Variants in FGF14 observed in about 807,000 individuals in gnomAD.
The protein encoded by FGF14 is fibroblast growth factor 14, also known as fibroblast growth factor homologous factor 4.
In FGF14, 5 loss-of-function variants were observed where a neutral mutation model predicts 25.5. The observed-to-expected ratio is 0.20, with a 90% confidence interval of 0.10 to 0.41. The LOEUF (loss-of-function observed/expected upper bound fraction) is 0.41, where lower values mean the gene tolerates loss of function less well. FGF14 is among the 10% of genes least tolerant of loss of function. The pLI is 1.00. For missense variants in FGF14, 222 were observed against 320.1 expected, an observed-to-expected ratio of 0.69 and a Z score of 2.34; for synonymous variants, 138 against 118.3, an observed-to-expected ratio of 1.17 and a Z score of -1.08.
rs1295762743 is a variant in FGF14 at position 101,720,325 on chromosome 13, A to AAAGT, written c.*2502_*2505dup. ...AATATGTCTAAACATATATTAGAAG[A>AAAGT]AAGTATTTGACATCCTTCATAGGGA... On this transcript the variant is annotated 3_prime_UTR_variant, in exon 5 of 5. Transcript: ENST00000376143. 6.6e-6 allele frequency: 1 copy of AAAGT among 152,136 alleles called. No individual in the cohort carries two copies. The highest frequency in any genetic ancestry group is 1.5e-5 in the Non-Finnish European group (1 of 68,004). The allele number at this position is 152,136 out of a possible 1,614,324, so 9.4% of individuals were successfully genotyped here. A position where few individuals can be genotyped will look rare whatever the true frequency, so the allele number is the denominator to read the frequency against.
intron 3 of FGF14, among the ~76,000 whole-genome samples, chr13:101,833,630 T>C (rs1226493586): frequency 6.6e-6 from 1 of 151,874 alleles, no homozygotes; most frequent in African/African-American, 2.4e-5. Context: ...TACAGACAGA[T>C]AGGTGTGTGT....
intron 1 of FGF14, among the ~76,000 whole-genome samples, chr13:101,976,471 A>G (rs1335789640): frequency 2.6e-5 from 4 of 151,522 alleles, no homozygotes; most frequent in Non-Finnish European, 5.9e-5. Context: ...ACTTTTTTTG[A>G]AAAAAAATCA....
chr13:102,057,188 C>G (rs1162779599), intron 1 of FGF14, among the ~76,000 whole-genome samples: 4 of 151,816 alleles, frequency 2.6e-5, no homozygotes, highest in Admixed American at 6.6e-5. Flanking sequence ...ATTATGAACA[C>G]AAGATAACTG....
At chr13:102,031,648 T>C (rs2139937747) in intron 1 of FGF14, among the ~76,000 whole-genome samples, 1 of 149,972 alleles carries the variant, frequency 6.7e-6, no homozygotes, top group Non-Finnish European at 1.5e-5. Flanking sequence ...AATACAGATA[T>C]AATGAAAACA....
chr13:101,809,391 G>T (rs957737592), intron 3 of FGF14, among the ~76,000 whole-genome samples: 8 of 152,056 alleles, frequency 5.3e-5, no homozygotes, highest in Admixed American at 5.2e-4. Context: ...CTATCACACT[G>T]CCAGGCTCTC....
At chr13:101,925,259 T>G (rs928593016) in intron 1 of FGF14, among the ~76,000 whole-genome samples, 1 of 152,230 alleles carries the variant, frequency 6.6e-6, no homozygotes, top group African/African-American at 2.4e-5. Context: ...AAATTTGCTA[T>G]CATATTTTTG....
At chr13:101,818,793 G>A (rs943985226) in intron 3 of FGF14, among the ~76,000 whole-genome samples, 3 of 152,122 alleles carry the variant, frequency 2.0e-5, no homozygotes, top group Admixed American at 6.5e-5. Flanking sequence ...GAAGCAGAAC[G>A]TGAACCTTTA....
chr13:102,062,026 AC>A (rs1268690854), intron 1 of FGF14, among the ~76,000 whole-genome samples: 5 of 152,238 alleles, frequency 3.3e-5, no homozygotes, highest in Non-Finnish European at 7.3e-5. Flanking sequence ...AATGAAAAAA[AC>A]ATTTGCTTCA....
chr13:102,312,034 G>C (rs1456421017), intron 1 of FGF14, among the ~76,000 whole-genome samples: 1 of 152,126 alleles, frequency 6.6e-6, no homozygotes, highest in African/African-American at 2.4e-5. Context: ...CTGAGTTTTA[G>C]TTTAGCTGGG....
chr13:102,054,097 C>A (rs1462240121), intron 1 of FGF14, among the ~76,000 whole-genome samples: 1 of 152,072 alleles, frequency 6.6e-6, no homozygotes, highest in African/African-American at 2.4e-5. Context: ...TCCTTAGGAA[C>A]AAGACAAGAC....
chr13:102,010,969 C>A (rs1480362561), intron 1 of FGF14, among the ~76,000 whole-genome samples: 1 of 152,040 alleles, frequency 6.6e-6, no homozygotes, highest in African/African-American at 2.4e-5. Context: ...TCAGAATATG[C>A]TAAATTTAAG....
At chr13:101,778,238 A>AT (rs1328781556) in intron 3 of FGF14, among the ~76,000 whole-genome samples, 9 of 152,034 alleles carry the variant, frequency 5.9e-5, no homozygotes, top group African/African-American at 1.7e-4. Flanking sequence ...TCTGTTGATC[A>AT]TTTTTTTCGA....
At chr13:101,972,838 G>A (rs995865937) in intron 1 of FGF14, among the ~76,000 whole-genome samples, 1 of 152,158 alleles carries the variant, frequency 6.6e-6, no homozygotes, top group Non-Finnish European at 1.5e-5. Context: ...ACTTTGTTCA[G>A]GTAAGCCAAA....
rs1488455483 is a variant in FGF14, at chr13:102,198,684, A to T, written c.208+202787T>A. Among the ~76,000 whole-genome samples, 3 of 152,196 alleles carry T rather than the reference A, an allele frequency of 2.0e-5. No homozygotes were observed. In the East Asian group the frequency reaches 5.8e-4, roughly 29 times the overall value. ...CTGTATCCTTTTGGACTTTGTAAAT[A>T]TTGCACTTGGAATTGACTGTCATTT... is the stretch of plus-strand genomic sequence containing the variant. On this transcript the variant is annotated intron_variant, in intron 1 of 4. Coordinates refer to the FGF14 transcript ENST00000376131.
intron 1 of FGF14, among the ~76,000 whole-genome samples, chr13:102,034,179 T>C (rs1358214436): frequency 6.6e-6 from 1 of 152,114 alleles, no homozygotes; most frequent in African/African-American, 2.4e-5. Flanking sequence ...CCCTAGAGAC[T>C]GTACCCTCCA....
chr13:101,889,321 G>T (rs2046150985), intron 1 of FGF14, among the ~76,000 whole-genome samples: 1 of 152,130 alleles, frequency 6.6e-6, no homozygotes, highest in Non-Finnish European at 1.5e-5. Context: ...CTAACTATGA[G>T]AAAAATCTGA....
intron 2 of FGF14, among the ~76,000 whole-genome samples, chr13:101,873,892 T>TA (rs1470983616): frequency 6.7e-6 from 1 of 150,270 alleles, no homozygotes; most frequent in African/African-American, 2.4e-5. Flanking sequence ...TAAACAAACA[T>TA]AAAAAGGAAA....
chr13:101,895,217 CTGTT>C (rs2138929537), intron 1 of FGF14, among the ~76,000 whole-genome samples: 2 of 152,138 alleles, frequency 1.3e-5, no homozygotes, highest in East Asian at 3.9e-4. Context: ...TTCCTAATGA[CTGTT>C]TGGGAAAGAT....
intron 3 of FGF14, among the ~76,000 whole-genome samples, chr13:101,765,093 T>C (rs1004922198): frequency 3.3e-5 from 5 of 152,200 alleles, no homozygotes; most frequent in Admixed American, 1.3e-4. Context: ...CTACAACCTT[T>C]ATATGAAAGC....
Sources: allele counts gnomAD v4.1 joint callset (sites outside exome capture counted in the v4.1 genomes callset), GRCh38; gene constraint gnomAD v4.1.1; transcripts MANE v1.5; gene names NCBI Gene and HGNC (gene_info 2026-07-23, HGNC 2026-07-21).